DNAH1: variants seen among roughly 807,000 people sequenced by gnomAD.
DNAH1 encodes dynein axonemal heavy chain 1.
Under a neutral mutation model 484.3 loss-of-function variants are expected in DNAH1, and 327 were observed. That is an observed-to-expected ratio of 0.68 (90% CI 0.62 to 0.74). The LOEUF is 0.74. DNAH1 is among the 30% of genes least tolerant of loss of function. DNAH1 has a pLI of 0.00. For synonymous variants in DNAH1, 2,192 were observed against 2,191.9 expected, an observed-to-expected ratio of 1.00 and a Z score of 0.00; for missense variants, 5,052 against 5,546.8, an observed-to-expected ratio of 0.91 and a Z score of 2.83.
chr3:52,388,622 C>A lies in DNAH1; in HGVS notation c.9363+13C>A, dbSNP rs373282681. 41 of 1,612,052 alleles carry A rather than the reference C, an allele frequency of 2.5e-5. No homozygotes were observed. The highest frequency in any genetic ancestry group is 3.4e-5 in the Non-Finnish European group (40 of 1,179,624). On this transcript the variant is annotated intron_variant, in intron 58 of 77. Transcript: ENST00000420323. ...CCGAGCTGGCAAGGTGCGCACCCTC[C>A]TCCTGCAAGGCCTGCAAGCGGGCCC... is the stretch of plus-strand genomic sequence containing the variant.
rs1578186240 is a variant in DNAH1 at position 52,384,872 on chromosome 3, C to A, written c.8409C>A (p.Thr2803=). The change falls in exon 53 of 78, where the codon ACC becomes ACA. Residue 2803 remains threonine, a synonymous_variant. Coordinates refer to ENST00000420323, the MANE Select transcript of DNAH1 (RefSeq NM_015512.5). ...AGCTGACCCGCCACAACTATGTGAC[C>A]CCCAAGAGCTACTTGGAGCTGCTTC... ...LAELTRHNYV[T]PKSYLELLHI... is the part of the protein sequence containing the mutation. The A allele has an allele frequency of 1.2e-6, 2 of 1,613,156 alleles. No homozygotes were observed.
chr3:52,366,635 G>A (rs2129877), intron 35 of DNAH1, 87 bp downstream of exon 35: 1,803 of 1,554,142 alleles, frequency 1.2e-3, no homozygotes, highest in Non-Finnish European at 1.4e-3. Context: ...CTCCATTTGT[G>A]CCCCTTGGCA....
intron 58 of DNAH1, 79 bp downstream of exon 58, chr3:52,388,688 T>A (rs1481207235): frequency 1.9e-6 from 3 of 1,606,518 alleles, no homozygotes; most frequent in Admixed American, 1.7e-5. Context: ...CGCCGGTGGG[T>A]CCTGGGGTGG....
At chr3:52,380,869 T>G (rs1252945815) in intron 48 of DNAH1, among the ~76,000 whole-genome samples, 1 of 152,150 alleles carries the variant, frequency 6.6e-6, no homozygotes, top group African/African-American at 2.4e-5. Context: ...TGGTTGAGAT[T>G]CCAAAGAAAG....
Position 52,361,861 on chromosome 3 carries a change from T to A in DNAH1, c.4980+95T>A, listed in dbSNP as rs370576516. On this transcript the variant is annotated intron_variant, in intron 30 of 77. Coordinates refer to ENST00000420323, the MANE Select transcript of DNAH1 (RefSeq NM_015512.5). The surrounding 1 kb of genome is among the most constrained non-coding windows in gnomAD (Gnocchi z 5.6). Reference sequence around the variant, plus strand: ...CAGGCTGAGAAGCCAGGCGCTAAGGTCCACCCTGGGTCCAGCCTCTCTTGT... The same window carrying A: ...CAGGCTGAGAAGCCAGGCGCTAAGGACCACCCTGGGTCCAGCCTCTCTTGT... 216 of 1,335,442 alleles carry A rather than the reference T, an allele frequency of 1.6e-4. No individual in the cohort carries two copies. In the East Asian group the frequency reaches 3.3e-3, roughly 20 times the overall value. 82.7% of individuals were successfully genotyped at this position (1,335,442 alleles called of 1,614,324 possible). A position where few individuals can be genotyped will look rare whatever the true frequency, so the allele number is the denominator to read the frequency against.
intron 11 of DNAH1, among the ~76,000 whole-genome samples, chr3:52,347,369 C>T (rs184319327): frequency 5.5e-4 from 83 of 152,200 alleles, no homozygotes; most frequent in African/African-American, 2.0e-3. Flanking sequence ...AGTGGGAGAG[C>T]TTGCAGGGAC....
intron 58 of DNAH1, 41 bp downstream of exon 58, chr3:52,388,650 C>G: frequency 6.2e-7 from 1 of 1,611,222 alleles, no homozygotes; most frequent in Non-Finnish European, 8.5e-7. Context: ...GCGGGCCCGG[C>G]CCAGACAGGG....
rs574206747 is a variant in DNAH1 at position 52,326,518 on chromosome 3, A to G, written c.581+204A>G. The stretch of plus-strand genomic sequence containing the variant: ...GGGAAGGTGGCATTGAGGTCAATGA[A>G]TGGGACTGCGGGGCGGGACAGAAGG... On this transcript the variant is annotated intron_variant, in intron 4 of 77. Transcript: ENST00000420323. Among the ~76,000 whole-genome samples the G allele has an allele frequency of 3.3e-5, 5 of 152,228 alleles. No individual in the cohort carries two copies. In the South Asian group the frequency reaches 6.2e-4, roughly 19 times the overall value.
intron 42 of DNAH1, 26 bp downstream of exon 42, chr3:52,372,112 C>G (rs1360701676): frequency 6.2e-7 from 1 of 1,612,154 alleles, no homozygotes; most frequent in Non-Finnish European, 8.5e-7. Context: ...GGCCCTGCCT[C>G]CACTGTCCCC....
At position 52,392,652 on chromosome 3, in the gene DNAH1, T is replaced by C. The variant is rs771330704; in HGVS notation, c.10241T>C (p.Val3414Ala). The C allele has an allele frequency of 6.2e-7, 1 of 1,609,800 alleles. No homozygotes were observed. The highest frequency in any genetic ancestry group is 2.2e-5 in the East Asian group (1 of 44,718). Reference protein sequence around the residue: ...NPVDDMELIKVLEASKMKAAE... With the variant: ...NPVDDMELIKALEASKMKAAE... ...GTAGATGACATGGAACTCATCAAGGTGCTGGAAGCCTCCAAGATGAAGGCT... is the reference window on the plus strand; with the variant it reads ...GTAGATGACATGGAACTCATCAAGGCGCTGGAAGCCTCCAAGATGAAGGCT... The change falls in exon 64 of 78, where the codon GTG becomes GCG. Residue 3414 changes from valine to alanine, a missense_variant. By Grantham distance (64) the Val-to-Ala change is moderately conservative. Transcript: ENST00000420323.
At chr3:52,400,251 GC>G in intron 77 of DNAH1, 73 bp from the exon 78 acceptor site, 1 of 1,588,278 alleles carries the variant, frequency 6.3e-7, no homozygotes, top group Non-Finnish European at 8.6e-7. Context: ...TCTGCCCACT[GC>G]CCTGCCCCTA....
Position 52,322,743 on chromosome 3 carries a change from A to G in DNAH1, c.301A>G (p.Ile101Val), listed in dbSNP as rs1388803278. 3 of 1,610,554 alleles carry G rather than the reference A, an allele frequency of 1.9e-6. No homozygotes were observed. Among genetic ancestry groups the G allele is most frequent in the Non-Finnish European group, 8.5e-7 (1 of 1,178,438 alleles). ...LMKQRGFYSD[I>V]LSPGTLDQLG... is the part of the protein sequence containing the mutation. ...GAAGCAGCGTGGGTTCTACTCCGAC[A>G]TCCTCAGCCCTGGAACCTTAGATCA... The change falls in exon 2 of 78, where the codon ATC becomes GTC. Residue 101 changes from isoleucine to valine, a missense_variant. By Grantham distance (29) the Ile-to-Val change is conservative (BLOSUM62 3). Transcript: ENST00000420323.
At chr3:52,350,358 C>T (rs1702324743) in intron 15 of DNAH1, 150 bp from the exon 16 acceptor site, 3 of 916,362 alleles carry the variant, frequency 3.3e-6, no homozygotes, top group Admixed American at 4.3e-5. Context: ...TGATGCTGCC[C>T]TTGCACCCTG....
intron 18 of DNAH1, 124 bp from the exon 19 acceptor site, chr3:52,352,979 C>A: frequency 9.3e-7 from 1 of 1,073,668 alleles, no homozygotes; most frequent in Admixed American, 2.8e-5. Flanking sequence ...TGTTTGGGGG[C>A]ACGGTCAGGG....
chr3:52,395,515 T>G lies in DNAH1; in HGVS notation c.11128-32T>G. ...GGAGTGGGCTGGGGGGTGGGCAAGC[T>G]GGCCCCCTGCTCAGTGCTCTTGCCC... On this transcript the variant is annotated intron_variant, in intron 69 of 77. Transcript: ENST00000420323. The surrounding 1 kb of genome is among the most constrained non-coding windows in gnomAD (Gnocchi z 4.4). 1 of 1,613,116 alleles carries G rather than the reference T, an allele frequency of 6.2e-7. No individual in the cohort carries two copies. The highest frequency in any genetic ancestry group is 8.5e-7 in the Non-Finnish European group (1 of 1,179,530).
intron 63 of DNAH1, among the ~76,000 whole-genome samples, chr3:52,391,945 G>C (rs1406979980): frequency 2.6e-5 from 4 of 152,268 alleles, no homozygotes; most frequent in African/African-American, 9.6e-5. Context: ...AGCTGACCCA[G>C]AGCCCTGAGT....
At position 52,395,395 on chromosome 3, in the gene DNAH1, G is replaced by A. The variant is rs1049107829; in HGVS notation, c.11056G>A (p.Asp3686Asn). The change falls in exon 69 of 78, where the codon GAC becomes AAC. Residue 3686 changes from aspartate (D) to asparagine (N), a missense_variant. Physicochemically the swap from Asp to Asn is conservative, Grantham distance 23. Around this residue, in one of 4 missense-constraint regions of DNAH1, gnomAD observed 853 missense variants for 899.0 expected, o/e 0.95. Coordinates refer to ENST00000420323, the MANE Select transcript of DNAH1 (RefSeq NM_015512.5). This position sits in a 1 kb window ranked among gnomAD's most constrained non-coding sequence, Gnocchi z 4.4. ...VLSPGTDPAA[D>N]LYKFAEEMKF... ...GTCACCCGGCACAGACCCTGCTGCCGACCTCTACAAGTTTGCCGAAGAAAT... is the reference window on the plus strand; with the variant it reads ...GTCACCCGGCACAGACCCTGCTGCCAACCTCTACAAGTTTGCCGAAGAAAT... 8.7e-6 allele frequency: 14 copies of A among 1,613,730 alleles called. No individual in the cohort carries two copies. The African/African-American group carries it at 1.2e-4, about 14-fold the overall frequency.
rs764655107 is a variant in DNAH1 at position 52,369,929 on chromosome 3, G to A, written c.6048G>A (p.Met2016Ile). The A allele has an allele frequency of 2.5e-6, 4 of 1,613,986 alleles. No individual in the cohort carries two copies. The East Asian group carries it at 6.7e-5, about 27-fold the overall frequency. ...TGGAGCCCAGCATCCTGGGGCTCATGCCCTTCATCGAGTGCTGGCTGAGGA... is the reference window on the plus strand; with the variant it reads ...TGGAGCCCAGCATCCTGGGGCTCATACCCTTCATCGAGTGCTGGCTGAGGA... Reference protein sequence around the residue: ...VYLEPSILGLMPFIECWLRKL... With the variant: ...VYLEPSILGLIPFIECWLRKL... Residue 2016 changes from methionine to isoleucine, a missense_variant, in exon 38 of 78, where the codon ATG becomes ATA. This residue lies in a region of DNAH1 where 2,929 missense variants were observed against 3,409.4 expected (regional missense o/e 0.86). Transcript: ENST00000420323.
chr3:52,386,486 C>G (rs1704116174), intron 55 of DNAH1, 141 bp downstream of exon 55: 1 of 1,339,118 alleles, frequency 7.5e-7, no homozygotes, highest in Non-Finnish European at 1.0e-6. Flanking sequence ...GCATGGGCAC[C>G]TGGGTTGGGG....
Sources: allele counts gnomAD v4.1 joint callset (sites outside exome capture counted in the v4.1 genomes callset), GRCh38; gene constraint gnomAD v4.1.1; regional missense constraint gnomAD v4.1.1; non-coding constraint Gnocchi (gnomAD v3.1); transcripts MANE v1.5; gene names NCBI Gene and HGNC (gene_info 2026-07-23, HGNC 2026-07-21).